The following PCLO variants were observed in gnomAD, a reference collection of about 807,000 sequenced individuals.
PCLO encodes the protein protein piccolo.
Under a neutral mutation model 427.5 loss-of-function variants are expected in PCLO, and 82 were observed. That is an observed-to-expected ratio of 0.19 (90% CI 0.16 to 0.23). The LOEUF (loss-of-function observed/expected upper bound fraction) is 0.23, where lower values mean the gene tolerates loss of function less well. PCLO is among the 10% of genes least tolerant of loss of function. The pLI is 1.00. For synonymous variants in PCLO, 2,357 were observed against 2,155.4 expected (o/e 1.09, Z -2.59); for missense variants, 6,239 against 6,115.9 (o/e 1.02, Z -0.67).
At chr7:82,951,536 T>C (rs971115203) in intron 5 of PCLO, 46 bp from the exon 6 acceptor site, 2 of 1,330,960 alleles carry the variant, frequency 1.5e-6, no homozygotes, top group Admixed American at 2.3e-5. Context: ...GAATGAATGA[T>C]GCTTTTTGAG....
intron 9 of PCLO, among the ~76,000 whole-genome samples, chr7:82,888,431 G>GTAGC (rs1296322149): frequency 6.6e-6 from 1 of 152,144 alleles, no homozygotes; most frequent in African/African-American, 2.4e-5. Context: ...ATCACATGGA[G>GTAGC]TAGCTCACCA....
chr7:83,162,264 TGCTGGCACATACAG>T, intron 1 of PCLO, 67 bp downstream of exon 1: 1 of 1,447,096 alleles, frequency 6.9e-7, no homozygotes. Context: ...TGTACCGCCG[TGCTGGCACATACAG>T]GCTGGCACAT....
In PCLO at chr7:82,777,417, T is replaced by C. The variant is rs192582988; in HGVS notation, c.15008-15924A>G. Among the ~76,000 whole-genome samples, 730 of 152,190 alleles carry C rather than the reference T, an allele frequency of 4.8e-3. 3 individuals are homozygous for C. Among genetic ancestry groups the C allele is most frequent in the Non-Finnish European group, 7.9e-3 (534 of 67,992 alleles). ...AGAAAAAAATATTTTAAAATTCATATGAAACCAAAAAAGAGCATCAATACT... is the reference window on the plus strand; with the variant it reads ...AGAAAAAAATATTTTAAAATTCATACGAAACCAAAAAAGAGCATCAATACT... On this transcript the variant is annotated intron_variant, in intron 22 of 24. Coordinates refer to ENST00000333891, the MANE Select transcript of PCLO (RefSeq NM_033026.6).
chr7:82,782,081 G>A (rs1371013640), intron 22 of PCLO, among the ~76,000 whole-genome samples: 9 of 152,226 alleles, frequency 5.9e-5, no homozygotes, highest in East Asian at 3.9e-4. Context: ...CAGTCGGTCA[G>A]AACTTTCTAA....
At chr7:82,833,160 C>T (rs960659380) in intron 16 of PCLO, among the ~76,000 whole-genome samples, 1 of 152,146 alleles carries the variant, frequency 6.6e-6, no homozygotes, top group African/African-American at 2.4e-5. Flanking sequence ...AATACACACA[C>T]CACCTGTACC....
chr7:82,911,867 C>T (rs1467278549), intron 7 of PCLO, among the ~76,000 whole-genome samples: 4 of 152,034 alleles, frequency 2.6e-5, no homozygotes, highest in South Asian at 2.1e-4. Flanking sequence ...GTGATCCACC[C>T]GCCTCAGCCT....
intron 10 of PCLO, 78 bp from the exon 11 acceptor site, chr7:82,847,325 T>G (rs1312355725): frequency 2.6e-6 from 2 of 780,298 alleles, no homozygotes; most frequent in Non-Finnish European, 4.2e-6. Flanking sequence ...AAGACATTTA[T>G]TTGCATTTAG....
rs370640682 is a variant in PCLO at position 82,955,254 on chromosome 7, G to C, written c.5699C>G (p.Ser1900Cys). 2.5e-6 allele frequency: 4 copies of C among 1,613,536 alleles called. No individual in the cohort carries two copies. Among genetic ancestry groups the C allele is most frequent in the East Asian group, 4.5e-5 (2 of 44,846 alleles). Residue 1900 changes from serine (S) to cysteine (C), a missense_variant, in exon 5 of 25, where the codon TCT becomes TGT. Around this residue, in one of 5 missense-constraint regions of PCLO, gnomAD observed 4,677 missense variants for 4,468.4 expected, o/e 1.05. Transcript: ENST00000333891. ...VSLYSPTDEQSIMQKEGSQKA... is the reference protein window; with the variant it reads ...VSLYSPTDEQCIMQKEGSQKA... Reference sequence around the variant, plus strand: ...TTGGCTACCTTCTTTCTGCATAATAGATTGCTCATCTGTTGGTGAGTATAA... The same window carrying C: ...TTGGCTACCTTCTTTCTGCATAATACATTGCTCATCTGTTGGTGAGTATAA...
chr7:82,908,775 TAAAC>T lies in PCLO; in HGVS notation c.13437+98_13437+101del, dbSNP rs773119829. ...TGGAAAAAATCATTTGTGAAATTAA[TAAAC>T]AAACATCTCATTCCTTTTAGGACAA... is the stretch of plus-strand genomic sequence containing the variant. On this transcript the variant is annotated intron_variant, in intron 8 of 24. Coordinates refer to ENST00000333891, the MANE Select transcript of PCLO (RefSeq NM_033026.6). The T allele has an allele frequency of 1.3e-4, 135 of 1,018,486 alleles. 1 individual carries two copies. Among genetic ancestry groups the T allele is most frequent in the Non-Finnish European group, 1.7e-4 (117 of 690,612 alleles). 63.1% of individuals were successfully genotyped at this position (1,018,486 alleles called of 1,614,324 possible).
At chr7:83,069,799 C>CCACACACACA (rs68086847) in intron 3 of PCLO, among the ~76,000 whole-genome samples, 6,318 of 75,574 alleles carry the variant, frequency 0.084, 394 homozygotes, top group East Asian at 0.16. Context: ...ACCCCCCCGC[C>CCACACACACA]CACACACACA....
At chr7:83,108,343 T>C (rs144072882) in intron 3 of PCLO, among the ~76,000 whole-genome samples, 1 of 152,280 alleles carries the variant, frequency 6.6e-6, no homozygotes, top group Non-Finnish European at 1.5e-5. Flanking sequence ...ATAGCATCTA[T>C]CTACCTACTT....
At chr7:83,122,966 T>G (rs1256681143) in intron 3 of PCLO, among the ~76,000 whole-genome samples, 1 of 152,080 alleles carries the variant, frequency 6.6e-6, no homozygotes, top group Non-Finnish European at 1.5e-5. Flanking sequence ...TATAAAACAT[T>G]GATGCAACAA....
At chr7:82,845,248 G>C (rs754412508) in intron 13 of PCLO, 23 bp downstream of exon 13, 1 of 1,553,096 alleles carries the variant, frequency 6.4e-7, no homozygotes, top group Non-Finnish European at 8.9e-7. Context: ...AAGTGGGTCA[G>C]AGGTCACATC....
chr7:83,046,013 C>T (rs1281315108), intron 3 of PCLO, among the ~76,000 whole-genome samples: 1 of 152,060 alleles, frequency 6.6e-6, no homozygotes, highest in Non-Finnish European at 1.5e-5. Context: ...TCTGAGGCCT[C>T]TCTTCTTGGC....
chr7:83,000,141 GAA>G (rs1296182225), intron 3 of PCLO, among the ~76,000 whole-genome samples: 1 of 150,944 alleles, frequency 6.6e-6, no homozygotes, highest in African/African-American at 2.4e-5. Flanking sequence ...AAAATATCCT[GAA>G]AAAAGCCAGT....
intron 3 of PCLO, among the ~76,000 whole-genome samples, chr7:83,020,838 T>C (rs1788325209): frequency 6.6e-6 from 1 of 152,152 alleles, no homozygotes; most frequent in Non-Finnish European, 1.5e-5. Context: ...GCTTGTGGTA[T>C]ATTTGGCATT....
chr7:82,897,276 C>T (rs1388937067), intron 9 of PCLO, among the ~76,000 whole-genome samples: 2 of 151,574 alleles, frequency 1.3e-5, no homozygotes, highest in African/African-American at 4.8e-5. Context: ...ATTCTTTCCA[C>T]TCTGTTGCCT....
chr7:82,912,395 G>T, intron 7 of PCLO, among the ~76,000 whole-genome samples: 1 of 151,660 alleles, frequency 6.6e-6, no homozygotes, highest in South Asian at 2.1e-4. Context: ...CATAAACAAA[G>T]AAAATATATA....
At chr7:82,774,979 G>A (rs1444869403) in intron 22 of PCLO, among the ~76,000 whole-genome samples, 2 of 152,064 alleles carry the variant, frequency 1.3e-5, no homozygotes, top group Non-Finnish European at 2.9e-5. Context: ...ATGTCGTATA[G>A]TTGAAACGAA....
Sources: gnomAD v4.1 joint callset for allele counts (sites outside exome capture counted in the v4.1 genomes callset) on GRCh38, gnomAD v4.1.1 for gene constraint, gnomAD v4.1.1 regional missense constraint, MANE v1.5 for transcripts, NCBI Gene and HGNC (gene_info 2026-07-23, HGNC 2026-07-21) for gene names.